The following SUPT7L variants were observed in gnomAD, a reference collection of about 807,000 sequenced individuals.
The protein encoded by SUPT7L is STAGA complex 65 subunit gamma.
In SUPT7L, 15 loss-of-function variants were observed where a neutral mutation model predicts 35.7. The ratio of observed to expected loss-of-function variants is 0.42; its 90% confidence interval spans 0.28 to 0.65. SUPT7L has a LOEUF of 0.65. SUPT7L is among the 30% of genes least tolerant of loss of function. The pLI, the probability that SUPT7L is intolerant of heterozygous loss-of-function variation, is 0.23. For missense variants in SUPT7L, 434 were observed against 522.2 expected, an observed-to-expected ratio of 0.83 and a Z score of 1.65; for synonymous variants, 168 against 186.2, an observed-to-expected ratio of 0.90 and a Z score of 0.79.
rs115953697 is a variant in SUPT7L at position 27,653,060 on chromosome 2, A to G, written c.*425T>C. 1,515 of 165,182 alleles carry G rather than the reference A, an allele frequency of 9.2e-3. 26 individuals are homozygous for G. The highest frequency in any genetic ancestry group is 0.033 in the African/African-American group (1,395 of 41,730). 10.2% of individuals were successfully genotyped at this position (165,182 alleles called of 1,614,324 possible). A position where few individuals can be genotyped will look rare whatever the true frequency, so the allele number is the denominator to read the frequency against. The stretch of plus-strand genomic sequence containing the variant: ...AATGAATCAAGTTAAATGAAAACTG[A>G]CATCTGATATGAGCATATATTATTA... On this transcript the variant is annotated 3_prime_UTR_variant, in exon 6 of 6. Coordinates refer to ENST00000337768, the MANE Select transcript of SUPT7L (RefSeq NM_014860.3).
At chr2:27,650,453 G>A (rs1674472459), downstream of SUPT7L, 3 of 255,504 alleles carry the variant, frequency 1.2e-5, no homozygotes, top group African/African-American at 4.5e-5. Context: ...ATACTGAGCT[G>A]ATACTCTTCC....
rs10201652 is a variant in SUPT7L at position 27,651,465 on chromosome 2, A to G, written c.*2020T>C. ...TCGTCTTGACCATCTGGTGCCTGTT[A>G]TGCAGTTTAACATTCTGCAGCAATA... On this transcript the variant is annotated 3_prime_UTR_variant, in exon 6 of 6. Transcript: ENST00000337768. The G allele has an allele frequency of 6.6e-6, 1 of 152,134 alleles. No homozygotes were observed. The highest frequency in any genetic ancestry group is 1.5e-5 in the Non-Finnish European group (1 of 68,008). 9.4% of individuals were successfully genotyped at this position (152,134 alleles called of 1,614,324 possible). A position where few individuals can be genotyped will look rare whatever the true frequency, so the allele number is the denominator to read the frequency against.
At chr2:27,654,509 GGCTCCTAAGGTAA>G (rs1301285271) in intron 5 of SUPT7L, among the ~76,000 whole-genome samples, 1 of 152,172 alleles carries the variant, frequency 6.6e-6, no homozygotes, top group African/African-American at 2.4e-5. Flanking sequence ...CAGTTGTCCT[GGCTCCTAAGGTAA>G]TCACAGAGTC....
chr2:27,661,299 T>C lies in SUPT7L; in HGVS notation c.104A>G (p.His35Arg). 1 of 1,613,976 alleles carries C rather than the reference T, an allele frequency of 6.2e-7. No individual in the cohort carries two copies. Among genetic ancestry groups the C allele is most frequent in the South Asian group, 1.1e-5 (1 of 91,064 alleles). ...TGAGGGTTGGTGCAGGGGTGGGTCA[T>C]GGACTTCCACCAGACGGAACTCCCG... ...LPREFRLVEV[H>R]DPPLHQPSAN... Residue 35 changes from histidine to arginine, a missense_variant, in exon 3 of 6, where the codon CAT becomes CGT. Physicochemically the swap from His to Arg is conservative, Grantham distance 29. Transcript: ENST00000337768.
Position 27,663,593 on chromosome 2 carries a change from C to T in SUPT7L, c.-354G>A, listed in dbSNP as rs867878952. On this transcript the variant is annotated 5_prime_UTR_variant, in exon 1 of 6. Transcript: ENST00000337768. ...CAAGGATCGCGTCAGACCCCGAAAGCTGGTTTGTTGATTAGTGATCTAAGA... is the reference window on the plus strand; with the variant it reads ...CAAGGATCGCGTCAGACCCCGAAAGTTGGTTTGTTGATTAGTGATCTAAGA... The T allele has an allele frequency of 1.4e-5, 9 of 653,346 alleles. No individual in the cohort carries two copies. Among genetic ancestry groups the T allele is most frequent in the East Asian group, 2.7e-5 (1 of 36,650 alleles). 40.5% of individuals were successfully genotyped at this position (653,346 alleles called of 1,614,324 possible).
Position 27,660,964 on chromosome 2 carries a change from A to T in SUPT7L, c.419+20T>A. On this transcript the variant is annotated intron_variant, in intron 3 of 5. Coordinates refer to ENST00000337768, the MANE Select transcript of SUPT7L (RefSeq NM_014860.3). Reference sequence around the variant, plus strand: ...GAAGATGACTTGAGAAAAGTAAGATACAGCAAAGCCTTGCCTTACCGATAA... The same window carrying T: ...GAAGATGACTTGAGAAAAGTAAGATTCAGCAAAGCCTTGCCTTACCGATAA... 6.2e-7 allele frequency: 1 copy of T among 1,601,452 alleles called. No individual in the cohort carries two copies. Among genetic ancestry groups the T allele is most frequent in the Non-Finnish European group, 8.5e-7 (1 of 1,171,852 alleles).
Position 27,661,376 on chromosome 2 carries a change from C to A in SUPT7L, c.27G>T (p.Glu9Asp), listed in dbSNP as rs1171684598. 3.1e-6 allele frequency: 5 copies of A among 1,613,682 alleles called. No individual in the cohort carries two copies. The highest frequency in any genetic ancestry group is 4.2e-6 in the Non-Finnish European group (5 of 1,180,024). MNLQRYWG[E>D]IPISSSQTNR... ...TGGTCTGGCTTGATGATATTGGTAT[C>A]TCTCCCCAGTATCTCAACATTTTGG... Residue 9 changes from glutamate (E) to aspartate (D), a missense_variant, in exon 3 of 6, where the codon GAG (glutamate) becomes GAT (aspartate). This residue lies in a region of SUPT7L where 77 missense variants were observed against 114.4 expected (regional missense o/e 0.67). Transcript: ENST00000337768.
the SUPT7L span, among the ~76,000 whole-genome samples, chr2:27,645,789 G>A: frequency 2.0e-5 from 3 of 151,928 alleles, no homozygotes; most frequent in Non-Finnish European, 4.4e-5. Flanking sequence ...GAGTGCAGTG[G>A]TGTGATCTTG....
chr2:27,657,441 C>T lies in SUPT7L; in HGVS notation c.648G>A (p.Met216Ile), dbSNP rs201032397. The T allele has an allele frequency of 2.5e-4, 409 of 1,614,150 alleles. No homozygotes were observed. Among genetic ancestry groups the T allele is most frequent in the Non-Finnish European group, 3.4e-4 (399 of 1,180,064 alleles). Residue 216 changes from methionine to isoleucine, a missense_variant, in exon 4 of 6, where the codon ATG becomes ATA. By Grantham distance (10) the Met-to-Ile change is conservative. Around this residue, in one of 3 missense-constraint regions of SUPT7L, gnomAD observed 198 missense variants for 190.8 expected, o/e 1.04. Transcript: ENST00000337768. The surrounding 1 kb of genome is among the most constrained non-coding windows in gnomAD (Gnocchi z 5.2). The stretch of plus-strand genomic sequence containing the variant: ...TACCCACTTCATGGAATACCTGCTC[C>T]ATCACATCAGGAAAAGGAGTCTGTC... ...RLGQTPFPDV[M>I]EQVFHEVGIG...
At chr2:27,645,719 A>T in the SUPT7L span, among the ~76,000 whole-genome samples, 630 of 150,352 alleles carry the variant, frequency 4.2e-3, 17 homozygotes, top group South Asian at 0.058. Context: ...TTTTTTTTTT[A>T]AAACAAATCA....
Position 27,653,096 on chromosome 2 carries a change from GCA to G in SUPT7L, c.*387_*388del, listed in dbSNP as rs1271924182. 4.7e-6 allele frequency: 1 copy of G among 210,790 alleles called. No individual in the cohort carries two copies. The highest frequency in any genetic ancestry group is 9.7e-6 in the Non-Finnish European group (1 of 102,744). 13.1% of individuals were successfully genotyped at this position (210,790 alleles called of 1,614,324 possible). On this transcript the variant is annotated 3_prime_UTR_variant, in exon 6 of 6. Coordinates refer to ENST00000337768, the MANE Select transcript of SUPT7L (RefSeq NM_014860.3). ...GAGCATATATTATTAGTCTATTCAAGCACAGTTTTGAAGTTAGCAAACATCTA... is the reference window on the plus strand; with the variant it reads ...GAGCATATATTATTAGTCTATTCAAGCAGTTTTGAAGTTAGCAAACATCTA...
rs1446419672 is a variant in SUPT7L at position 27,657,488 on chromosome 2, C to T, written c.601G>A (p.Val201Met). 2 of 1,614,268 alleles carry T rather than the reference C, an allele frequency of 1.2e-6. No individual in the cohort carries two copies. The highest frequency in any genetic ancestry group is 2.2e-5 in the East Asian group (1 of 44,882). Residue 201 changes from valine (V) to methionine (M), a missense_variant, in exon 4 of 6, where the codon GTG becomes ATG. Physicochemically the swap from Val to Met is conservative, Grantham distance 21. This residue lies in a region of SUPT7L where 198 missense variants were observed against 190.8 expected (regional missense o/e 1.04). Coordinates refer to ENST00000337768, the MANE Select transcript of SUPT7L (RefSeq NM_014860.3). This position sits in a 1 kb window ranked among gnomAD's most constrained non-coding sequence, Gnocchi z 5.2. ...LKFTKLLRFA[V>M]DREARLGQTP... The stretch of plus-strand genomic sequence containing the variant: ...TGTCCCAGCCGGGCCTCCCGGTCCA[C>T]AGCAAAACGCAGCAACTTGGTAAAC...
At chr2:27,655,054 G>A (rs1026774200) in intron 5 of SUPT7L, among the ~76,000 whole-genome samples, 2 of 152,192 alleles carry the variant, frequency 1.3e-5, no homozygotes, top group African/African-American at 2.4e-5. Context: ...AGGAGGAAGG[G>A]GATATCTTCC....
At chr2:27,644,826 G>A in the SUPT7L span, among the ~76,000 whole-genome samples, 3 of 147,438 alleles carry the variant, frequency 2.0e-5, no homozygotes, top group African/African-American at 7.5e-5. Context: ...TTGGATAGGT[G>A]TATGCCACTG....
chr2:27,660,881 TC>T, intron 3 of SUPT7L, 102 bp downstream of exon 3: 1 of 1,413,978 alleles, frequency 7.1e-7, no homozygotes, highest in Non-Finnish European at 9.4e-7. Context: ...ATTACTCTTA[TC>T]CTCAGTTTCC....
downstream of SUPT7L, chr2:27,649,969 G>A: frequency 1.8e-6 from 1 of 542,398 alleles, no homozygotes; most frequent in Non-Finnish European, 3.4e-6. Flanking sequence ...GATAGAGCAT[G>A]CTTCTAGGAG....
chr2:27,650,061 A>C (rs1379519234), downstream of SUPT7L: 2 of 952,836 alleles, frequency 2.1e-6, no homozygotes, highest in East Asian at 2.4e-5. Flanking sequence ...GACGGGCTCT[A>C]ATCAGTTTGT....
chr2:27,644,831 C>A, the SUPT7L span, among the ~76,000 whole-genome samples: 1 of 148,818 alleles, frequency 6.7e-6, no homozygotes, highest in African/African-American at 2.5e-5. Context: ...TAGGTGTATG[C>A]CACTGCACCT....
In SUPT7L at chr2:27,657,788, C is replaced by G. The variant is rs1674875127; in HGVS notation, c.420-119G>C. 1.0e-6 allele frequency: 1 copy of G among 978,306 alleles called. No individual in the cohort carries two copies. Among genetic ancestry groups the G allele is most frequent in the Admixed American group, 2.8e-5 (1 of 35,364 alleles). 60.6% of individuals were successfully genotyped at this position (978,306 alleles called of 1,614,324 possible). A position where few individuals can be genotyped will look rare whatever the true frequency, so the allele number is the denominator to read the frequency against. ...CTGGCCTAGCTTTCCAGGGAAATTC[C>G]ATCCAAGTTACATAGCTCAGTTTCA... On this transcript the variant is annotated intron_variant, in intron 3 of 5. Coordinates refer to ENST00000337768, the MANE Select transcript of SUPT7L (RefSeq NM_014860.3). The surrounding 1 kb of genome is among the most constrained non-coding windows in gnomAD (Gnocchi z 5.2).
Sources: allele counts gnomAD v4.1 joint callset (sites outside exome capture counted in the v4.1 genomes callset), GRCh38; gene constraint gnomAD v4.1.1; regional missense constraint gnomAD v4.1.1; non-coding constraint Gnocchi (gnomAD v3.1); transcripts MANE v1.5; gene names NCBI Gene and HGNC (gene_info 2026-07-23, HGNC 2026-07-21).